EIF4G3: variants seen among roughly 807,000 people sequenced by gnomAD.
EIF4G3 encodes the protein eukaryotic translation initiation factor 4 gamma 3, also known as eIF-4-gamma 3.
A neutral mutation model predicts 186.4 loss-of-function variants in EIF4G3; 34 were observed. The observed-to-expected ratio is 0.18, with a 90% CI of 0.14 to 0.24. The LOEUF is 0.24. Ranked by LOEUF, EIF4G3 falls within the 10% of genes least tolerant of loss-of-function variation. The pLI is 1.00. For synonymous variants in EIF4G3, 673 were observed against 679.5 expected, an observed-to-expected ratio of 0.99 and a Z score of 0.15; for missense variants, 1,536 against 1,948.5, an observed-to-expected ratio of 0.79 and a Z score of 3.99.
intron 4 of EIF4G3, among the ~76,000 whole-genome samples, chr1:21,034,745 G>A (rs2093035560): frequency 6.6e-6 from 1 of 152,210 alleles, no homozygotes; most frequent in South Asian, 2.1e-4. Flanking sequence ...GGGGCCTGTG[G>A]CCCTGGGATG....
At chr1:20,996,326 G>A (rs1230322851) in intron 7 of EIF4G3, among the ~76,000 whole-genome samples, 2 of 152,016 alleles carry the variant, frequency 1.3e-5, no homozygotes, top group Non-Finnish European at 2.9e-5. Flanking sequence ...AGCTGATGGC[G>A]AAGTCCAAGC....
At chr1:21,098,919 G>A (rs539263717) in intron 2 of EIF4G3, among the ~76,000 whole-genome samples, 10 of 152,228 alleles carry the variant, frequency 6.6e-5, no homozygotes, top group Admixed American at 1.3e-4. Flanking sequence ...TTATAGGCAC[G>A]ACCCACTGTG....
At chr1:20,828,029 GTT>G (rs67354523) in intron 31 of EIF4G3, among the ~76,000 whole-genome samples, 11 of 127,406 alleles carry the variant, frequency 8.6e-5, no homozygotes, top group Non-Finnish European at 1.2e-4. Context: ...CTTTTATAAA[GTT>G]TTTTTTTTTT....
chr1:20,996,644 G>A (rs1307833541), intron 7 of EIF4G3, among the ~76,000 whole-genome samples: 1 of 152,126 alleles, frequency 6.6e-6, no homozygotes, highest in Non-Finnish European at 1.5e-5. Context: ...TATCCAACCA[G>A]ACTTTGTTCC....
intron 20 of EIF4G3, among the ~76,000 whole-genome samples, chr1:20,868,085 A>ATTTTTTTTTTTTTTTTT (rs1553236764): frequency 6.8e-5 from 1 of 14,684 alleles, no homozygotes; most frequent in Non-Finnish European, 2.0e-4. Flanking sequence ...ATTCATGGTG[A>ATTTTTTTTTTTTTTTTT]TTTTCTTTTT....
At chr1:21,037,380 T>C (rs1386481968) in intron 4 of EIF4G3, among the ~76,000 whole-genome samples, 1 of 152,120 alleles carries the variant, frequency 6.6e-6, no homozygotes, top group Admixed American at 6.5e-5. Flanking sequence ...CTGCTCGTCA[T>C]ATGGGGGGAA....
chr1:21,051,040 A>C (rs1378129585), intron 3 of EIF4G3, 46 bp from the exon 4 acceptor site: 2 of 713,460 alleles, frequency 2.8e-6, no homozygotes, highest in African/African-American at 3.5e-5. Flanking sequence ...TTAGTAAATC[A>C]ATCTTAATAA....
At chr1:20,888,729 A>G (rs1423516715) in intron 18 of EIF4G3, among the ~76,000 whole-genome samples, 1 of 152,170 alleles carries the variant, frequency 6.6e-6, no homozygotes, top group Non-Finnish European at 1.5e-5. Flanking sequence ...AGGACCCTAA[A>G]AACTATATTA....
At chr1:20,838,623 G>A (rs1445869115) in intron 30 of EIF4G3, among the ~76,000 whole-genome samples, 1 of 152,144 alleles carries the variant, frequency 6.6e-6, no homozygotes, top group Admixed American at 6.6e-5. Flanking sequence ...TTGCCAAAGT[G>A]TCTTACTAAC....
chr1:20,885,892 A>G (rs1353289179), intron 19 of EIF4G3, among the ~76,000 whole-genome samples: 1 of 152,228 alleles, frequency 6.6e-6, no homozygotes, highest in Non-Finnish European at 1.5e-5. Context: ...AAAGAGACTC[A>G]ATCACTGAGA....
At chr1:20,883,610 G>A (rs902447380) in intron 19 of EIF4G3, among the ~76,000 whole-genome samples, 1 of 150,884 alleles carries the variant, frequency 6.6e-6, no homozygotes, top group African/African-American at 2.4e-5. Flanking sequence ...GAGCGAGAGC[G>A]AGACTCCATC....
chr1:21,133,849 T>G (rs1331095792), intron 2 of EIF4G3, among the ~76,000 whole-genome samples: 1 of 152,192 alleles, frequency 6.6e-6, no homozygotes, highest in African/African-American at 2.4e-5. Context: ...CCCATTATCC[T>G]AATAATCTAA....
intron 12 of EIF4G3, among the ~76,000 whole-genome samples, chr1:20,956,375 G>C: frequency 6.6e-6 from 1 of 152,090 alleles, no homozygotes; most frequent in East Asian, 1.9e-4. Context: ...TCACTCACTT[G>C]GGCTGTTGTG....
chr1:20,900,261 G>A (rs2089826671), intron 15 of EIF4G3, among the ~76,000 whole-genome samples: 1 of 152,122 alleles, frequency 6.6e-6, no homozygotes, highest in South Asian at 2.1e-4. Flanking sequence ...GTCCTAGTCA[G>A]AATCTAAAAC....
chr1:21,170,004 G>A (rs1249985099), intron 2 of EIF4G3, among the ~76,000 whole-genome samples: 6 of 151,838 alleles, frequency 4.0e-5, no homozygotes, highest in African/African-American at 7.3e-5. Context: ...GTGAAACCCC[G>A]CCTCTACTAA....
chr1:20,864,968 T>G, intron 21 of EIF4G3, 148 bp downstream of exon 21: 1 of 923,068 alleles, frequency 1.1e-6, no homozygotes, highest in Non-Finnish European at 1.6e-6. Context: ...AGCATTCCCC[T>G]AAACATTAAT....
intron 14 of EIF4G3, chr1:20,941,170 C>T: frequency 6.9e-7 from 1 of 1,457,812 alleles, no homozygotes; most frequent in Non-Finnish European, 9.1e-7. Flanking sequence ...CCCAAAGCAG[C>T]AAAATTAAGC....
At chr1:20,942,650 T>C (rs980995889) in intron 13 of EIF4G3, among the ~76,000 whole-genome samples, 6 of 152,196 alleles carry the variant, frequency 3.9e-5, no homozygotes, top group African/African-American at 1.4e-4. Context: ...AGTGAGGCTT[T>C]TCTTTAAGGT....
chr1:20,964,421 C>G lies in EIF4G3; in HGVS notation c.714+5053G>C, dbSNP rs2074159814. 2.6e-5 allele frequency among the ~76,000 whole-genome samples: 4 copies of G among 152,266 alleles called. No homozygotes were observed. In the South Asian group the frequency reaches 8.3e-4, roughly 32 times the overall value. ...TATATACAGGGAACATGTATATACACATATGCATATTTCCTAAATATGTGA... is the reference window on the plus strand; with the variant it reads ...TATATACAGGGAACATGTATATACAGATATGCATATTTCCTAAATATGTGA... On this transcript the variant is annotated intron_variant, in intron 12 of 36. Transcript: ENST00000602326.
Sources: gnomAD v4.1 joint callset for allele counts (sites outside exome capture counted in the v4.1 genomes callset) on GRCh38, gnomAD v4.1.1 for gene constraint, MANE v1.5 for transcripts, NCBI Gene and HGNC (gene_info 2026-07-23, HGNC 2026-07-21) for gene names.